The following IPO11 variants were observed in gnomAD, a reference collection of about 807,000 sequenced individuals.
IPO11 encodes the protein importin-11.
IPO11 carries 66 observed loss-of-function variants against 143.2 expected under a neutral mutation model. The ratio of observed to expected loss-of-function variants is 0.46; its 90% CI spans 0.38 to 0.57. The LOEUF is 0.57. Ranked by LOEUF, IPO11 falls within the 20% of genes least tolerant of loss-of-function variation. IPO11 has a pLI of 0.00. For missense variants in IPO11, 1,026 were observed against 1,141.0 expected (o/e 0.90, Z 1.45); for synonymous variants, 385 against 377.8 (o/e 1.02, Z -0.22).
intron 9 of IPO11, among the ~76,000 whole-genome samples, chr5:62,478,601 G>T (rs1746054748): frequency 6.6e-6 from 1 of 152,086 alleles, no homozygotes; most frequent in Admixed American, 6.5e-5. Flanking sequence ...TAGTTTGTTT[G>T]AATCAGGATT....
At position 62,476,698 on chromosome 5, in the gene IPO11, C is replaced by T. The variant is rs1322954142; in HGVS notation, c.773C>T (p.Thr258Ile). ...TTTTTAACAGGTAGAAGTATAGGTA[C>T]AGATAATGTGTGTAGAGATAGACTG... Reference protein sequence around the residue: ...QFLECSRSIGTDNVCRDRLEK... With the variant: ...QFLECSRSIGIDNVCRDRLEK... Residue 258 changes from threonine to isoleucine, a missense_variant, in exon 9 of 30, where the codon ACA (threonine) becomes ATA (isoleucine). Thr to Ile is a moderately conservative substitution (Grantham distance 89, BLOSUM62 -1). Around this residue, in one of 5 missense-constraint regions of IPO11, gnomAD observed 429 missense variants for 456.3 expected, o/e 0.94. Coordinates refer to ENST00000325324, the MANE Select transcript of IPO11 (RefSeq NM_016338.5). 2.0e-6 allele frequency: 3 copies of T among 1,521,132 alleles called. No homozygotes were observed. The highest frequency in any genetic ancestry group is 2.2e-5 in the Admixed American group (1 of 45,588). The allele number at this position is 1,521,132 out of a possible 1,614,324, so 94.2% of individuals were successfully genotyped here. A position where few individuals can be genotyped will look rare whatever the true frequency, so the allele number is the denominator to read the frequency against.
chr5:62,528,388 G>T (rs927741402), intron 21 of IPO11, among the ~76,000 whole-genome samples: 2 of 152,176 alleles, frequency 1.3e-5, no homozygotes, highest in Non-Finnish European at 2.9e-5. Context: ...TGAATTGAAG[G>T]TAAGTCCATA....
At chr5:62,540,050 T>C (rs1397644675) in intron 24 of IPO11, among the ~76,000 whole-genome samples, 2 of 152,234 alleles carry the variant, frequency 1.3e-5, no homozygotes, top group African/African-American at 4.8e-5. Flanking sequence ...TCCTCTATTA[T>C]ACTGAGCTTC....
chr5:62,578,791 T>C, intron 27 of IPO11: 1 of 386,224 alleles, frequency 2.6e-6, no homozygotes, highest in Non-Finnish European at 5.1e-6. Flanking sequence ...AAACGGTGAC[T>C]TAAAAAAAAA....
chr5:62,496,489 T>A (rs1741164882), intron 16 of IPO11, among the ~76,000 whole-genome samples: 1 of 152,184 alleles, frequency 6.6e-6, no homozygotes, highest in Non-Finnish European at 1.5e-5. Flanking sequence ...AATAAATTGT[T>A]AAGAAGATTG....
intron 29 of IPO11, among the ~76,000 whole-genome samples, chr5:62,614,900 T>C (rs1482365940): frequency 6.6e-6 from 1 of 152,072 alleles, no homozygotes; most frequent in Non-Finnish European, 1.5e-5. Flanking sequence ...CAGTGAGCTG[T>C]ATGGGGAGCT....
intron 3 of IPO11, among the ~76,000 whole-genome samples, chr5:62,444,571 A>G (rs901286357): frequency 1.6e-4 from 25 of 152,016 alleles, no homozygotes; most frequent in Non-Finnish European, 3.4e-4. Context: ...TATATAAAGG[A>G]TACAATTATA....
intron 16 of IPO11, among the ~76,000 whole-genome samples, chr5:62,503,408 T>A (rs1288170915): frequency 2.0e-5 from 3 of 148,216 alleles, no homozygotes; most frequent in African/African-American, 7.4e-5. Context: ...ATATTAATAG[T>A]ATCTATTAAT....
At chr5:62,579,340 A>T in intron 27 of IPO11, 1 of 1,050,310 alleles carries the variant, frequency 9.5e-7, no homozygotes, top group Non-Finnish European at 1.4e-6. Flanking sequence ...TTATAGTATT[A>T]TAAAAAAAAT....
chr5:62,518,053 C>T (rs1367205014), intron 20 of IPO11, among the ~76,000 whole-genome samples: 2 of 151,550 alleles, frequency 1.3e-5, no homozygotes, highest in South Asian at 2.1e-4. Context: ...CCTGTAATCC[C>T]GGCATTTTGG....
rs1273980949 is a variant in IPO11, at chr5:62,467,118, C to T, written c.517-13C>T. The T allele has an allele frequency of 3.7e-6, 6 of 1,601,452 alleles. No individual in the cohort carries two copies. Among genetic ancestry groups the T allele is most frequent in the Non-Finnish European group, 5.1e-6 (6 of 1,175,996 alleles). On this transcript the variant is annotated splice_polypyrimidine_tract_variant and intron_variant, in intron 5 of 29. Transcript: ENST00000325324. ...AATACACTATGAATAAATTTGTTGC[C>T]TTTTCTTTGCAGTTAGCTTCTGGAA...
intron 27 of IPO11, among the ~76,000 whole-genome samples, chr5:62,587,217 G>A (rs1158451336): frequency 6.6e-6 from 1 of 151,960 alleles, no homozygotes; most frequent in African/African-American, 2.4e-5. Flanking sequence ...TGAAAAGACA[G>A]GTAAGCAGGG....
At chr5:62,496,335 C>A (rs1303505235) in intron 16 of IPO11, among the ~76,000 whole-genome samples, 4 of 151,706 alleles carry the variant, frequency 2.6e-5, no homozygotes, top group African/African-American at 9.7e-5. Context: ...ATGACTAGCC[C>A]ACATGACTAA....
intron 1 of IPO11, among the ~76,000 whole-genome samples, chr5:62,431,974 G>GATACATA (rs1744006434): frequency 7.7e-6 from 1 of 130,382 alleles, no homozygotes; most frequent in African/African-American, 3.3e-5. Context: ...CATACATACG[G>GATACATA]CATGCAGACC....
intron 24 of IPO11, among the ~76,000 whole-genome samples, chr5:62,547,122 T>C (rs1743231158): frequency 6.6e-6 from 1 of 152,192 alleles, no homozygotes; most frequent in African/African-American, 2.4e-5. Context: ...GTCATTTTAA[T>C]ACATAGTATT....
chr5:62,461,485 G>C (rs1745354673), intron 5 of IPO11, among the ~76,000 whole-genome samples: 1 of 152,202 alleles, frequency 6.6e-6, no homozygotes, highest in Non-Finnish European at 1.5e-5. Context: ...CAAAGATTCA[G>C]AAAAGCCTCA....
chr5:62,429,166 A>G (rs778855084), intron 1 of IPO11, among the ~76,000 whole-genome samples: 4 of 152,024 alleles, frequency 2.6e-5, no homozygotes, highest in African/African-American at 4.8e-5. Flanking sequence ...GTTGCTCCAC[A>G]TTTCCCCCCA....
chr5:62,498,500 T>G (rs2112250446), intron 16 of IPO11, among the ~76,000 whole-genome samples: 2 of 152,372 alleles, frequency 1.3e-5, no homozygotes, highest in Middle Eastern at 6.8e-3. Context: ...AGATGATTCT[T>G]TAACCAGAAT....
At chr5:62,602,212 A>G (rs1011416874) in intron 29 of IPO11, among the ~76,000 whole-genome samples, 2 of 152,156 alleles carry the variant, frequency 1.3e-5, no homozygotes, top group East Asian at 1.9e-4. Flanking sequence ...AGATCTTCAC[A>G]TGAACTTTTG....
Sources: allele counts gnomAD v4.1 joint callset (sites outside exome capture counted in the v4.1 genomes callset), GRCh38; gene constraint gnomAD v4.1.1; regional missense constraint gnomAD v4.1.1; transcripts MANE v1.5; gene names NCBI Gene and HGNC (gene_info 2026-07-23, HGNC 2026-07-21).